The following TG variants were observed in gnomAD, a reference collection of about 807,000 sequenced individuals.
TG encodes the protein thyroglobulin.
Under a neutral mutation model 324.7 loss-of-function variants are expected in TG, and 270 were observed. The ratio of observed to expected loss-of-function variants is 0.83; its 90% CI spans 0.75 to 0.92. The LOEUF is 0.92. Among genes scored for constraint, TG ranks in the 40% least tolerant of loss-of-function variants. The pLI, the probability that TG is intolerant of heterozygous loss-of-function variation, is 0.00. For missense variants in TG, 3,591 were observed against 3,456.4 expected (o/e 1.04, Z -0.98); for synonymous variants, 1,401 against 1,327.0 (o/e 1.06, Z -1.21).
At position 133,017,782 on chromosome 8, in the gene TG, C is replaced by T; in HGVS notation, c.6567C>T (p.Ile2189=). The change falls in exon 38 of 48, where the codon ATC becomes ATT. Residue 2189 remains isoleucine (I), a synonymous_variant. Transcript: ENST00000220616. The part of the protein sequence containing the change: ...EATHIYRKPG[I]SLLSYEASVP... ...TTCTCTTCCCTTTCCCAACAGGAAT[C>T]TCTCTGCTCAGCTATGAGGCATCTG... is the stretch of plus-strand genomic sequence containing the variant. 6.2e-7 allele frequency: 1 copy of T among 1,614,180 alleles called. No homozygotes were observed. Among genetic ancestry groups the T allele is most frequent in the Non-Finnish European group, 8.5e-7 (1 of 1,180,028 alleles).
At chr8:132,979,340 A>G (rs1830549451) in intron 34 of TG, among the ~76,000 whole-genome samples, 2 of 152,322 alleles carry the variant, frequency 1.3e-5, no homozygotes, top group African/African-American at 2.4e-5. Context: ...TGTGACTTCT[A>G]GAAAAGAGAG....
chr8:132,911,512 C>A lies in TG; in HGVS notation c.4138C>A (p.Leu1380Ile). 1 of 1,614,072 alleles carries A rather than the reference C, an allele frequency of 6.2e-7. No homozygotes were observed. Among genetic ancestry groups the A allele is most frequent in the Non-Finnish European group, 8.5e-7 (1 of 1,179,926 alleles). The change falls in exon 19 of 48, where the codon CTT becomes ATT. Residue 1380 changes from leucine to isoleucine, a missense_variant. Transcript: ENST00000220616. ...GCTTGAGGACATCCCAGTGGCTTCT[C>A]TTCCTGACTTACATGACATTGGTAT... Reference protein sequence around the residue: ...SRLEDIPVASLPDLHDIERAL... With the variant: ...SRLEDIPVASIPDLHDIERAL...
chr8:133,133,544 G>A lies in TG; in HGVS notation c.8072G>A (p.Arg2691His), dbSNP rs531167775. ...ACCCCCTGGCCTGACTTTGTACCCC[G>A]TGCTGGTGGAGAGAACTACAAGGAG... ...FATPWPDFVP[R>H]AGGENYKEFS... The change falls in exon 47 of 48, where the codon CGT becomes CAT. Residue 2691 changes from arginine (R) to histidine (H), a missense_variant. Arg to His is a conservative substitution (Grantham distance 29). Coordinates refer to ENST00000220616, the MANE Select transcript of TG (RefSeq NM_003235.5). The A allele has an allele frequency of 1.4e-4, 224 of 1,614,166 alleles. 2 individuals are homozygous for A. The highest frequency in any genetic ancestry group is 1.4e-3 in the South Asian group (124 of 91,090).
At chr8:132,883,629 G>A (rs1363748346) in intron 8 of TG, among the ~76,000 whole-genome samples, 2 of 152,152 alleles carry the variant, frequency 1.3e-5, no homozygotes, top group African/African-American at 4.8e-5. Context: ...CAAAGGCTTG[G>A]GGGCTTCATC....
chr8:132,884,301 T>A (rs1273779647), intron 8 of TG, among the ~76,000 whole-genome samples: 7 of 152,196 alleles, frequency 4.6e-5, no homozygotes, highest in Admixed American at 4.6e-4. Context: ...AGAACTCTTA[T>A]TAGGCATTCG....
Position 133,113,435 on chromosome 8 carries a change from G to A in TG, c.7586G>A (p.Ser2529Asn). 6.2e-7 allele frequency: 1 copy of A among 1,613,898 alleles called. No individual in the cohort carries two copies. Among genetic ancestry groups the A allele is most frequent in the Non-Finnish European group, 8.5e-7 (1 of 1,179,980 alleles). ...TTTTTTTTCTAGCAATTTGAGGAAA[G>A]TCGAGGCCGGACCAGTAGCAAAACA... ...RAKAVKQFEE[S>N]RGRTSSKTAF... The change falls in exon 44 of 48, where the codon AGT becomes AAT. Residue 2529 changes from serine to asparagine, a missense_variant. By Grantham distance (46) the Ser-to-Asn change is conservative (BLOSUM62 1). Coordinates refer to ENST00000220616, the MANE Select transcript of TG (RefSeq NM_003235.5).
At chr8:133,117,347 A>G (rs1158629431) in intron 45 of TG, among the ~76,000 whole-genome samples, 1 of 152,250 alleles carries the variant, frequency 6.6e-6, no homozygotes, top group East Asian at 1.9e-4. Flanking sequence ...TAGCTGAACA[A>G]AGGAAGCAGA....
chr8:133,100,231 C>A (rs1403381747), intron 43 of TG, among the ~76,000 whole-genome samples: 2 of 152,164 alleles, frequency 1.3e-5, no homozygotes, highest in African/African-American at 2.4e-5. Flanking sequence ...CTGCCTTACT[C>A]CCTTCAGGGT....
chr8:132,947,811 G>C (rs555936031), intron 26 of TG, among the ~76,000 whole-genome samples: 1 of 152,218 alleles, frequency 6.6e-6, no homozygotes. Context: ...TAAGAATTAA[G>C]GGAATTAATA....
At chr8:132,905,659 C>T (rs853321) in intron 16 of TG, among the ~76,000 whole-genome samples, 72,307 of 151,902 alleles carry the variant, frequency 0.48, 20,438 homozygotes, top group Non-Finnish European at 0.61. Context: ...TGTGCCTTGG[C>T]CTGGGTGAAC....
At chr8:133,060,714 A>G (rs1293439951) in intron 41 of TG, among the ~76,000 whole-genome samples, 1 of 152,242 alleles carries the variant, frequency 6.6e-6, no homozygotes, top group South Asian at 2.1e-4. Flanking sequence ...GGAAAACTTC[A>G]TAACAACTCT....
At chr8:133,111,822 G>T (rs1388943961) in intron 43 of TG, among the ~76,000 whole-genome samples, 7 of 152,206 alleles carry the variant, frequency 4.6e-5, no homozygotes, top group African/African-American at 1.2e-4. Context: ...ATTTGCTCCA[G>T]ACTTTTTTCC....
Position 133,050,004 on chromosome 8 carries a change from C to G in TG, c.7239+19981C>G. On this transcript the variant is annotated intron_variant, in intron 41 of 47. Transcript: ENST00000220616. ...GCCCCCTTCACTGTAAGAACAAGAA[C>G]AGAGAAGAACACAGAGATAGGTAAA... The G allele has an allele frequency of 4.5e-6, 7 of 1,554,278 alleles. No homozygotes were observed. In the South Asian group the frequency reaches 7.8e-5, roughly 17 times the overall value.
At chr8:133,094,790 G>T (rs557080151) in intron 41 of TG, 2 of 567,696 alleles carry the variant, frequency 3.5e-6, no homozygotes, top group East Asian at 3.1e-5. Flanking sequence ...CAAGACTGAA[G>T]GTTCCCTTGT....
chr8:132,978,429 C>T (rs1414393251), intron 34 of TG, among the ~76,000 whole-genome samples: 2 of 152,154 alleles, frequency 1.3e-5, no homozygotes, highest in Non-Finnish European at 1.5e-5. Flanking sequence ...GGAGGGGACA[C>T]ACCTCCAAAC....
chr8:132,896,977 C>T (rs1379704618), intron 11 of TG, among the ~76,000 whole-genome samples: 3 of 152,314 alleles, frequency 2.0e-5, no homozygotes, highest in Non-Finnish European at 2.9e-5. Flanking sequence ...TAACCTCCCT[C>T]GCTGAGCCTC....
intron 11 of TG, among the ~76,000 whole-genome samples, chr8:132,895,595 C>T (rs1364739168): frequency 1.3e-5 from 2 of 152,228 alleles, no homozygotes; most frequent in African/African-American, 2.4e-5. Context: ...TTGCTTTCTT[C>T]CTCCCTTCTT....
chr8:132,908,809 T>G (rs1159917980), intron 18 of TG, among the ~76,000 whole-genome samples: 3 of 151,154 alleles, frequency 2.0e-5, no homozygotes, highest in Non-Finnish European at 4.4e-5. Context: ...ATGAGAGGGG[T>G]TTTTTACAGA....
At chr8:133,018,711 C>T (rs777270763) in intron 38 of TG, among the ~76,000 whole-genome samples, 1 of 152,118 alleles carries the variant, frequency 6.6e-6, no homozygotes, top group Non-Finnish European at 1.5e-5. Context: ...TACTGCTGCT[C>T]TTCTCCTTCC....
Sources: allele counts gnomAD v4.1 joint callset (sites outside exome capture counted in the v4.1 genomes callset), GRCh38; gene constraint gnomAD v4.1.1; transcripts MANE v1.5; gene names NCBI Gene and HGNC (gene_info 2026-07-23, HGNC 2026-07-21).